The following HTR4 variants were observed in gnomAD, a reference collection of about 807,000 sequenced individuals.
The protein encoded by HTR4 is 5-hydroxytryptamine (serotonin) receptor 4, G protein-coupled.
A neutral mutation model predicts 36.8 loss-of-function variants in HTR4; 16 were observed. The ratio of observed to expected loss-of-function variants is 0.43; its 90% CI spans 0.29 to 0.66. The LOEUF is 0.66. Among genes scored for constraint, HTR4 ranks in the 30% least tolerant of loss-of-function variants. The probability of loss-of-function intolerance (pLI) is 0.13; values close to 1 mark genes in which losing one functional copy is unlikely to be tolerated. For synonymous variants in HTR4, 189 were observed against 185.1 expected (o/e 1.02, Z -0.17); for missense variants, 438 against 490.9 (o/e 0.89, Z 1.02).
chr5:148,556,497 A>G (rs997879585), intron 2 of HTR4, among the ~76,000 whole-genome samples: 27 of 152,208 alleles, frequency 1.8e-4, no homozygotes, highest in Non-Finnish European at 2.9e-5. Flanking sequence ...TATACCAAGG[A>G]CTGTGCTGAG....
At chr5:148,502,047 G>A (rs978611923) in intron 6 of HTR4, among the ~76,000 whole-genome samples, 5 of 148,778 alleles carry the variant, frequency 3.4e-5, no homozygotes, top group Admixed American at 6.7e-5. Flanking sequence ...GCGACAGAGC[G>A]AAACTCTGTC....
intron 4 of HTR4, among the ~76,000 whole-genome samples, chr5:148,538,560 T>C (rs556107561): frequency 6.6e-6 from 1 of 152,170 alleles, no homozygotes; most frequent in South Asian, 2.1e-4. Context: ...CAAAAATCAC[T>C]AGCATTCCTA....
intron 2 of HTR4, among the ~76,000 whole-genome samples, chr5:148,621,978 G>A (rs1011517691): frequency 1.3e-5 from 2 of 152,110 alleles, no homozygotes; most frequent in Non-Finnish European, 2.9e-5. Context: ...TGGGCTCTTG[G>A]CTTCTGTGTG....
intron 4 of HTR4, among the ~76,000 whole-genome samples, chr5:148,524,038 C>T (rs898194882): frequency 6.6e-6 from 1 of 152,002 alleles, no homozygotes; most frequent in Non-Finnish European, 1.5e-5. Flanking sequence ...CCTCCATCCC[C>T]CCATCCCTGC....
At chr5:148,500,224 T>A (rs111660496) in intron 6 of HTR4, among the ~76,000 whole-genome samples, 2 of 151,838 alleles carry the variant, frequency 1.3e-5, no homozygotes, top group African/African-American at 4.8e-5. Flanking sequence ...CTCAGAGGAG[T>A]GTTATGCCCT....
In HTR4 at chr5:148,648,286, G is replaced by A. The variant is rs542828651; in HGVS notation, c.-48+5776C>T. Among the ~76,000 whole-genome samples the A allele has an allele frequency of 3.9e-5, 6 of 152,268 alleles. No individual in the cohort carries two copies. The South Asian group carries it at 1.2e-3, about 32-fold the overall frequency. On this transcript the variant is annotated intron_variant, in intron 1 of 6. Coordinates refer to ENST00000377888, the MANE Select transcript of HTR4 (RefSeq NM_000870.7). ...GGCAATAGCAATGATGATCTACTGT[G>A]CAGGTAGAAGATGGGATACAATCTG...
intron 2 of HTR4, 130 bp from the exon 3 acceptor site, chr5:148,550,392 C>G: frequency 1.0e-6 from 1 of 1,004,060 alleles, no homozygotes; most frequent in East Asian, 2.6e-5. Context: ...ATTTATCATG[C>G]GTTTAATGTA....
rs546185414 is a variant in HTR4 at position 148,532,781 on chromosome 5, C to T, written c.354-9435G>A. 1.7e-4 allele frequency among the ~76,000 whole-genome samples: 26 copies of T among 152,314 alleles called. 1 individual carries two copies. In the East Asian group the frequency reaches 2.1e-3, roughly 12 times the overall value. ...ACAAAAATAAGCCTAAAAAGGCTGA[C>T]TGGGGCACGTCTCAGAGCAGTGGTT... On this transcript the variant is annotated intron_variant, in intron 4 of 6. Transcript: ENST00000377888.
At chr5:148,597,714 C>T (rs1335250913) in intron 2 of HTR4, among the ~76,000 whole-genome samples, 1 of 152,220 alleles carries the variant, frequency 6.6e-6, no homozygotes, top group Non-Finnish European at 1.5e-5. Flanking sequence ...ATCTGACCCT[C>T]CAGCCAACAT....
intron 5 of HTR4, among the ~76,000 whole-genome samples, chr5:148,518,636 A>G (rs749100080): frequency 2.0e-5 from 3 of 152,170 alleles, no homozygotes; most frequent in Non-Finnish European, 2.9e-5. Flanking sequence ...AGCTTCTTCT[A>G]TCACTCTGAG....
intron 5 of HTR4, among the ~76,000 whole-genome samples, chr5:148,459,646 G>T (rs552317816): frequency 2.0e-5 from 3 of 152,208 alleles, no homozygotes; most frequent in African/African-American, 7.2e-5. Flanking sequence ...AACACCATAT[G>T]GGTAAATAGT....
intron 2 of HTR4, among the ~76,000 whole-genome samples, chr5:148,601,991 G>C (rs983586284): frequency 6.6e-6 from 1 of 152,110 alleles, no homozygotes; most frequent in African/African-American, 2.4e-5. Flanking sequence ...GAAAGATGAG[G>C]AGATAATAGT....
intron 2 of HTR4, among the ~76,000 whole-genome samples, chr5:148,609,425 A>G (rs915439569): frequency 1.3e-5 from 2 of 152,182 alleles, no homozygotes; most frequent in Non-Finnish European, 2.9e-5. Flanking sequence ...TGAATTTTCA[A>G]ACATCATGGC....
chr5:148,485,183 C>T (rs956948490), intron 6 of HTR4, among the ~76,000 whole-genome samples: 1 of 152,098 alleles, frequency 6.6e-6, no homozygotes, highest in Non-Finnish European at 1.5e-5. Flanking sequence ...CCTATTAGTG[C>T]AGCACTGGTG....
chr5:148,575,920 A>T (rs1383144997), intron 2 of HTR4, among the ~76,000 whole-genome samples: 1 of 151,858 alleles, frequency 6.6e-6, no homozygotes, highest in East Asian at 1.9e-4. Flanking sequence ...AGAACATCCA[A>T]ATAGGAAGAG....
intron 4 of HTR4, among the ~76,000 whole-genome samples, chr5:148,523,995 G>GTT (rs111792304): frequency 1.1e-4 from 16 of 146,762 alleles, no homozygotes; most frequent in African/African-American, 3.2e-4. Flanking sequence ...CTAAGTCCGT[G>GTT]TTTTTTTTTT....
intron 5 of HTR4, among the ~76,000 whole-genome samples, chr5:148,463,165 CTTTTT>C (rs71001490): frequency 1.6e-5 from 1 of 64,138 alleles, no homozygotes; most frequent in Non-Finnish European, 2.7e-5. Flanking sequence ...CTTTTTTTTT[CTTTTT>C]TTTTTTTTTT....
At chr5:148,653,722 G>A (rs1030482575) in intron 1 of HTR4, among the ~76,000 whole-genome samples, 3 of 151,900 alleles carry the variant, frequency 2.0e-5, no homozygotes, top group Non-Finnish European at 2.9e-5. Flanking sequence ...GCCTGTGCGC[G>A]CTCTCTCTTA....
intron 5 of HTR4, among the ~76,000 whole-genome samples, chr5:148,466,532 T>C (rs1054854296): frequency 2.3e-4 from 35 of 152,110 alleles, no homozygotes; most frequent in African/African-American, 8.5e-4. Context: ...GTTAGATATG[T>C]CACTGACCAT....
Sources: allele counts gnomAD v4.1 joint callset (sites outside exome capture counted in the v4.1 genomes callset), GRCh38; gene constraint gnomAD v4.1.1; transcripts MANE v1.5; gene names NCBI Gene and HGNC (gene_info 2026-07-23, HGNC 2026-07-21).